The following PLS1 variants were observed in gnomAD, a reference collection of about 807,000 sequenced individuals.
PLS1 encodes the protein plastin 1.
Under a neutral mutation model 73.7 loss-of-function variants are expected in PLS1, and 32 were observed. The ratio of observed to expected loss-of-function variants is 0.43; its 90% CI spans 0.33 to 0.58. The LOEUF is 0.58. PLS1 is among the 20% of genes least tolerant of loss of function. The pLI is 0.04. For synonymous variants in PLS1, 217 were observed against 261.3 expected (o/e 0.83, Z 1.63); for missense variants, 633 against 740.5 (o/e 0.85, Z 1.68).
At chr3:142,711,048 C>T (rs1214379591) in intron 14 of PLS1, among the ~76,000 whole-genome samples, 1 of 152,074 alleles carries the variant, frequency 6.6e-6, no homozygotes, top group Non-Finnish European at 1.5e-5. Flanking sequence ...TAAACTAAAA[C>T]ATGTAAAACA....
intron 4 of PLS1, among the ~76,000 whole-genome samples, chr3:142,674,518 A>G (rs1425769505): frequency 6.6e-6 from 1 of 152,198 alleles, no homozygotes; most frequent in African/African-American, 2.4e-5. Flanking sequence ...TTAAGGATTT[A>G]TAATCTTAAA....
intron 12 of PLS1, among the ~76,000 whole-genome samples, chr3:142,703,575 C>T (rs2038380523): frequency 6.6e-6 from 1 of 152,086 alleles, no homozygotes. Context: ...GGATTACAGG[C>T]GTAAGCGACC....
intron 13 of PLS1, 35 bp from the exon 14 acceptor site, chr3:142,704,427 CT>C: frequency 2.6e-6 from 4 of 1,552,324 alleles, no homozygotes; most frequent in Non-Finnish European, 3.5e-6. Flanking sequence ...AAATTTCACC[CT>C]TTTCAGTCTC....
intron 12 of PLS1, among the ~76,000 whole-genome samples, chr3:142,702,253 A>G (rs1022793423): frequency 6.6e-6 from 1 of 152,250 alleles, no homozygotes; most frequent in African/African-American, 2.4e-5. Flanking sequence ...ATATATATCA[A>G]ACATTTTATT....
At chr3:142,664,106 A>G in intron 1 of PLS1, 96 bp from the exon 2 acceptor site, 1 of 488,572 alleles carries the variant, frequency 2.0e-6, no homozygotes, top group East Asian at 3.3e-5. Context: ...CTCATAGATA[A>G]TTCCTCCTAG....
intron 1 of PLS1, among the ~76,000 whole-genome samples, chr3:142,640,994 C>T (rs2108612137): frequency 6.6e-6 from 1 of 151,646 alleles, no homozygotes; most frequent in East Asian, 1.9e-4. Context: ...CTACAAAAAA[C>T]AAAAACAAAA....
chr3:142,689,253 G>A (rs2107907923), intron 9 of PLS1, among the ~76,000 whole-genome samples: 1 of 152,038 alleles, frequency 6.6e-6, no homozygotes, highest in Non-Finnish European at 1.5e-5. Flanking sequence ...GCAAAACCCT[G>A]TCTTTACTAA....
intron 1 of PLS1, among the ~76,000 whole-genome samples, chr3:142,606,775 ACTT>A (rs1252198644): frequency 6.6e-6 from 1 of 152,076 alleles, no homozygotes; most frequent in African/African-American, 2.4e-5. Flanking sequence ...ACATATCAAG[ACTT>A]CTTTTCATAG....
At chr3:142,615,005 C>T (rs2036189479) in intron 1 of PLS1, among the ~76,000 whole-genome samples, 1 of 152,034 alleles carries the variant, frequency 6.6e-6, no homozygotes, top group Non-Finnish European at 1.5e-5. Context: ...GACAGAGAAG[C>T]ATCCATCTGC....
chr3:142,612,752 C>T (rs2036146634), intron 1 of PLS1, among the ~76,000 whole-genome samples: 1 of 151,932 alleles, frequency 6.6e-6, no homozygotes, highest in African/African-American at 2.4e-5. Flanking sequence ...CCTTATTTAA[C>T]TTTGAGCCTG....
At chr3:142,636,160 G>C (rs1231545598) in intron 1 of PLS1, among the ~76,000 whole-genome samples, 2 of 151,726 alleles carry the variant, frequency 1.3e-5, no homozygotes, top group African/African-American at 2.4e-5. Context: ...CCAAAGTGTT[G>C]TGACTGTAGG....
At chr3:142,607,131 A>G (rs1424223485) in intron 1 of PLS1, among the ~76,000 whole-genome samples, 1 of 152,190 alleles carries the variant, frequency 6.6e-6, no homozygotes, top group Admixed American at 6.5e-5. Context: ...GTTTTAATAC[A>G]TGTGAAGTAA....
At chr3:142,642,879 C>T (rs1331879786) in intron 1 of PLS1, among the ~76,000 whole-genome samples, 1 of 152,042 alleles carries the variant, frequency 6.6e-6, no homozygotes, top group East Asian at 1.9e-4. Flanking sequence ...TTTGTAGAGA[C>T]AGGGTTTTGC....
chr3:142,602,114 T>TC (rs1343005535), intron 1 of PLS1, among the ~76,000 whole-genome samples: 1 of 151,576 alleles, frequency 6.6e-6, no homozygotes, highest in African/African-American at 2.4e-5. Flanking sequence ...CCGGTTTTTT[T>TC]TTTTTTTCAT....
At chr3:142,654,614 A>G (rs528837736) in intron 1 of PLS1, among the ~76,000 whole-genome samples, 17 of 152,302 alleles carry the variant, frequency 1.1e-4, no homozygotes, top group African/African-American at 4.1e-4. Context: ...TTGGCCTCCC[A>G]AAGTGTGGGG....
At chr3:142,668,333 T>C (rs374375772) in intron 2 of PLS1, among the ~76,000 whole-genome samples, 1 of 152,194 alleles carries the variant, frequency 6.6e-6, no homozygotes, top group East Asian at 1.9e-4. Flanking sequence ...TGTGAATTTC[T>C]TGAACACCTA....
intron 1 of PLS1, among the ~76,000 whole-genome samples, chr3:142,658,098 A>G (rs1050002296): frequency 6.6e-6 from 1 of 152,210 alleles, no homozygotes; most frequent in Non-Finnish European, 1.5e-5. Context: ...CAGAATCAAT[A>G]TAACCTATGT....
intron 1 of PLS1, among the ~76,000 whole-genome samples, chr3:142,641,904 A>G (rs1449091121): frequency 1.3e-5 from 2 of 151,860 alleles, no homozygotes; most frequent in Non-Finnish European, 2.9e-5. Context: ...TACAGACAGG[A>G]CTGCCTCTTC....
At chr3:142,665,690 A>G (rs2037467458) in intron 2 of PLS1, among the ~76,000 whole-genome samples, 1 of 152,218 alleles carries the variant, frequency 6.6e-6, no homozygotes, top group African/African-American at 2.4e-5. Context: ...AATTAGTAAT[A>G]TATTTGCTTT....
Sources: gnomAD v4.1 joint callset for allele counts (sites outside exome capture counted in the v4.1 genomes callset) on GRCh38, gnomAD v4.1.1 for gene constraint, MANE v1.5 for transcripts, NCBI Gene and HGNC (gene_info 2026-07-23, HGNC 2026-07-21) for gene names.